ZNG1B: variants seen among roughly 807,000 people sequenced by gnomAD.
ZNG1B encodes zinc-regulated GTPase metalloprotein activator 1B.
At chr2:113,453,402 A>G in the ZNG1B span, among the ~76,000 whole-genome samples, 3 of 151,348 alleles carry the variant, frequency 2.0e-5, no homozygotes, top group African/African-American at 7.3e-5. Flanking sequence ...ACAGGCGTGC[A>G]CCATCGTACC....
chr2:113,437,790 C>G, the ZNG1B span: 1 of 1,585,772 alleles, frequency 6.3e-7, no homozygotes. Context: ...CCGGGAGTGG[C>G]GTGCTGGGCG....
chr2:113,481,355 A>T, the ZNG1B span, among the ~76,000 whole-genome samples: 1 of 150,722 alleles, frequency 6.6e-6, no homozygotes, highest in Admixed American at 6.6e-5. Flanking sequence ...CTGAGCAACC[A>T]GCTGGGAAGG....
the ZNG1B span, among the ~76,000 whole-genome samples, chr2:113,456,540 A>G: frequency 8.5e-4 from 130 of 152,252 alleles, no homozygotes; most frequent in Admixed American, 3.1e-3. Context: ...ATAATTTTAT[A>G]TGTATAGTTG....
At chr2:113,457,163 A>G in the ZNG1B span, 1 of 454,552 alleles carries the variant, frequency 2.2e-6, no homozygotes, top group Non-Finnish European at 4.4e-6. Flanking sequence ...ATGTGACAGC[A>G]TTTAATGCAA....
At chr2:113,453,299 A>T in the ZNG1B span, 15 of 1,551,610 alleles carry the variant, frequency 9.7e-6, no homozygotes, top group Non-Finnish European at 1.3e-5. Context: ...ACTGGAGTGC[A>T]TGGAGTGCAG....
the ZNG1B span, among the ~76,000 whole-genome samples, chr2:113,481,297 G>C: frequency 6.7e-6 from 1 of 148,440 alleles, no homozygotes; most frequent in South Asian, 2.2e-4. Flanking sequence ...GAAGGCCGTT[G>C]CATGACTTTT....
chr2:113,463,599 C>T, the ZNG1B span, among the ~76,000 whole-genome samples: 3 of 152,100 alleles, frequency 2.0e-5, no homozygotes, highest in Non-Finnish European at 2.9e-5. Context: ...GGTATTGTTG[C>T]GTAGTGTTAA....
chr2:113,471,524 C>T, the ZNG1B span, among the ~76,000 whole-genome samples: 10 of 151,072 alleles, frequency 6.6e-5, no homozygotes, highest in African/African-American at 9.8e-5. Context: ...GGTACATGTG[C>T]ACAATGTGCA....
At chr2:113,453,165 G>A in the ZNG1B span, 3 of 1,592,856 alleles carry the variant, frequency 1.9e-6, no homozygotes, top group East Asian at 2.2e-5. Context: ...GTTTTGGGTT[G>A]ATGCTGAATT....
chr2:113,486,648 C>T, the ZNG1B span, among the ~76,000 whole-genome samples: 5 of 152,294 alleles, frequency 3.3e-5, no homozygotes, highest in East Asian at 3.9e-4. Context: ...CCCAGCTACT[C>T]GAGAGGCTGA....
chr2:113,487,218 G>T, the ZNG1B span, among the ~76,000 whole-genome samples: 1 of 152,102 alleles, frequency 6.6e-6, no homozygotes, highest in Non-Finnish European at 1.5e-5. Context: ...TGCTGTACAG[G>T]TTTGTAGCCT....
chr2:113,442,679 CAT>C, the ZNG1B span, among the ~76,000 whole-genome samples: 4 of 152,042 alleles, frequency 2.6e-5, no homozygotes, highest in African/African-American at 7.2e-5. Context: ...TACTTTTCTT[CAT>C]GTTTCCTTAA....
the ZNG1B span, among the ~76,000 whole-genome samples, chr2:113,477,008 G>GAGGC: frequency 6.6e-6 from 1 of 152,244 alleles, no homozygotes; most frequent in African/African-American, 2.4e-5. Context: ...GGAGCCTACA[G>GAGGC]AGGCAGGCAG....
the ZNG1B span, among the ~76,000 whole-genome samples, chr2:113,483,877 G>C: frequency 3.3e-5 from 5 of 152,250 alleles, no homozygotes; most frequent in African/African-American, 1.2e-4. Context: ...ACTAAATAGG[G>C]CATATCTATA....
At chr2:113,469,460 G>A in the ZNG1B span, 1 of 147,558 alleles carries the variant, frequency 6.8e-6, no homozygotes, top group East Asian at 2.1e-4. Flanking sequence ...GCTCAGTAAT[G>A]GGGGGAGGGG....
At chr2:113,440,101 G>A in the ZNG1B span, among the ~76,000 whole-genome samples, 1 of 150,964 alleles carries the variant, frequency 6.6e-6, no homozygotes, top group Non-Finnish European at 1.5e-5. Flanking sequence ...AGCCGGGATG[G>A]TCTCGATCTC....
At chr2:113,474,430 A>G in the ZNG1B span, among the ~76,000 whole-genome samples, 1 of 150,368 alleles carries the variant, frequency 6.7e-6, no homozygotes, top group Non-Finnish European at 1.5e-5. Flanking sequence ...GATCCTTTCA[A>G]AAAACCAGCT....
the ZNG1B span, chr2:113,455,497 G>C: frequency 2.5e-6 from 2 of 814,764 alleles, no homozygotes; most frequent in Non-Finnish European, 3.6e-6. Context: ...AATGCATTTA[G>C]TAAGATCTTT....
At chr2:113,475,497 T>C in the ZNG1B span, among the ~76,000 whole-genome samples, 1 of 149,548 alleles carries the variant, frequency 6.7e-6, no homozygotes, top group African/African-American at 2.5e-5. Flanking sequence ...ACATTTAAAG[T>C]TAATATCGTT....
Sources: allele counts gnomAD v4.1 joint callset (sites outside exome capture counted in the v4.1 genomes callset), GRCh38; gene constraint gnomAD v4.1.1; transcripts MANE v1.5; gene names NCBI Gene and HGNC (gene_info 2026-07-23, HGNC 2026-07-21).